Variants in RBFOX1 observed in about 807,000 individuals in gnomAD.
RBFOX1 encodes the protein RNA binding fox-1 homolog 1, also known as RNA binding protein fox-1 homolog 1.
RBFOX1 carries 8 observed loss-of-function variants against 57.7 expected under a neutral mutation model. The ratio of observed to expected loss-of-function variants is 0.14; its 90% CI spans 0.08 to 0.25. RBFOX1 has a LOEUF of 0.25. RBFOX1 is among the 10% of genes least tolerant of loss of function. The pLI is 1.00. For missense variants in RBFOX1, 611 were observed against 548.5 expected (o/e 1.11, Z -1.14); for synonymous variants, 326 against 222.4 (o/e 1.47, Z -4.15).
chr16:6,929,795 A>G (rs189873970), intron 3 of RBFOX1, among the ~76,000 whole-genome samples: 45 of 152,242 alleles, frequency 3.0e-4, no homozygotes, highest in Admixed American at 7.8e-4. Context: ...TTTTTATTGT[A>G]TTCAAAGAAG....
intron 1 of RBFOX1, among the ~76,000 whole-genome samples, chr16:5,273,361 C>T (rs1311507132): frequency 6.6e-6 from 1 of 151,950 alleles, no homozygotes; most frequent in African/African-American, 2.4e-5. Flanking sequence ...CTGCTATGTG[C>T]CAGGCATTGG....
chr16:6,901,427 G>C (rs1315885168), intron 3 of RBFOX1, among the ~76,000 whole-genome samples: 1 of 152,098 alleles, frequency 6.6e-6, no homozygotes, highest in Non-Finnish European at 1.5e-5. Context: ...CAATAACACA[G>C]AGTCCAAGAG....
intron 4 of RBFOX1, among the ~76,000 whole-genome samples, chr16:7,229,774 GAGA>G (rs2093379354): frequency 1.4e-5 from 1 of 72,600 alleles, no homozygotes; most frequent in South Asian, 7.3e-4. Flanking sequence ...GGAAGGGAGA[GAGA>G]GGAAGGAAGG....
At chr16:5,405,819 C>T (rs774216664) in intron 1 of RBFOX1, among the ~76,000 whole-genome samples, 2 of 151,978 alleles carry the variant, frequency 1.3e-5, no homozygotes, top group African/African-American at 2.4e-5. Context: ...CTTGGGCTCC[C>T]GGGAAAAGTT....
At chr16:7,238,160 C>A (rs1202474080) in intron 4 of RBFOX1, among the ~76,000 whole-genome samples, 1 of 152,070 alleles carries the variant, frequency 6.6e-6, no homozygotes, top group Non-Finnish European at 1.5e-5. Flanking sequence ...CAAAAAGTGG[C>A]ATGGTCGTTA....
intron 3 of RBFOX1, among the ~76,000 whole-genome samples, chr16:6,955,758 C>T (rs1450497514): frequency 4.6e-5 from 7 of 151,552 alleles, no homozygotes; most frequent in African/African-American, 1.7e-4. Flanking sequence ...AGCTGGAGTG[C>T]AGTGCCGCTA....
At chr16:7,432,421 C>T (rs886934737) in intron 4 of RBFOX1, among the ~76,000 whole-genome samples, 3 of 152,262 alleles carry the variant, frequency 2.0e-5, no homozygotes, top group South Asian at 2.1e-4. Flanking sequence ...TCTCCTAATG[C>T]AATCGTTGTG....
intron 6 of RBFOX1, among the ~76,000 whole-genome samples, chr16:7,586,636 T>C (rs2094141325): frequency 6.6e-6 from 1 of 152,226 alleles, no homozygotes; most frequent in Admixed American, 6.5e-5. Context: ...AGCCTATTCA[T>C]GCTAGTTGTC....
chr16:6,636,460 G>A (rs1309036750), intron 2 of RBFOX1, among the ~76,000 whole-genome samples: 2 of 152,064 alleles, frequency 1.3e-5, no homozygotes, highest in South Asian at 4.1e-4. Context: ...GTGAGCCACC[G>A]CACCCGGCTG....
intron 4 of RBFOX1, among the ~76,000 whole-genome samples, chr16:7,259,992 A>G (rs534369633): frequency 3.0e-4 from 46 of 152,246 alleles, no homozygotes; most frequent in African/African-American, 9.4e-4. Context: ...GTTGATCCCA[A>G]TGCTTTTGTG....
intron 3 of RBFOX1, among the ~76,000 whole-genome samples, chr16:6,794,157 T>C (rs577941131): frequency 1.3e-5 from 2 of 152,262 alleles, no homozygotes; most frequent in East Asian, 1.9e-4. Flanking sequence ...AAGTGTTCCC[T>C]AAGTTCTTCC....
intron 1 of RBFOX1, among the ~76,000 whole-genome samples, chr16:6,177,191 T>G (rs976174490): frequency 1.3e-5 from 2 of 151,968 alleles, no homozygotes; most frequent in Admixed American, 6.6e-5. Flanking sequence ...TGTTTGTTTT[T>G]TTTTTTTTTT....
intron 2 of RBFOX1, among the ~76,000 whole-genome samples, chr16:5,476,943 CT>C (rs1368395919): frequency 1.3e-5 from 2 of 152,168 alleles, no homozygotes; most frequent in African/African-American, 4.8e-5. Context: ...ACATACTAAA[CT>C]TTTTGTAACT....
At chr16:7,142,106 A>C (rs764516713) in intron 4 of RBFOX1, among the ~76,000 whole-genome samples, 3 of 151,906 alleles carry the variant, frequency 2.0e-5, no homozygotes, top group Non-Finnish European at 4.4e-5. Flanking sequence ...TCAGTGCAGC[A>C]TCAACCTCCC....
intron 4 of RBFOX1, among the ~76,000 whole-genome samples, chr16:7,377,685 T>C (rs2097709393): frequency 6.6e-6 from 1 of 152,232 alleles, no homozygotes; most frequent in African/African-American, 2.4e-5. Flanking sequence ...ATTCCACATA[T>C]ATTTGTAGAG....
At chr16:6,080,741 C>A (rs1421526200) in intron 1 of RBFOX1, among the ~76,000 whole-genome samples, 2 of 152,088 alleles carry the variant, frequency 1.3e-5, no homozygotes, top group Non-Finnish European at 2.9e-5. Context: ...TAAAAGAATG[C>A]CACATTTTTA....
chr16:6,401,379 C>A lies in RBFOX1; in HGVS notation c.-64+84322C>A, dbSNP rs562838174. ...GAAAAATTCTTCCTCACAATATAAA[C>A]ACTACTACTAACTTATAAGCATAAC... is the stretch of plus-strand genomic sequence containing the variant. On this transcript the variant is annotated intron_variant, in intron 2 of 15. Coordinates refer to ENST00000550418, the MANE Select transcript of RBFOX1 (RefSeq NM_018723.4). 3.9e-5 allele frequency among the ~76,000 whole-genome samples: 6 copies of A among 152,284 alleles called. No individual in the cohort carries two copies. The East Asian group carries it at 1.2e-3, about 29-fold the overall frequency.
At chr16:7,703,314 T>C (rs924438566) in intron 14 of RBFOX1, among the ~76,000 whole-genome samples, 2 of 152,200 alleles carry the variant, frequency 1.3e-5, no homozygotes, top group Non-Finnish European at 2.9e-5. Context: ...CCCTTCTCTG[T>C]GTTGGGAGGG....
chr16:6,119,066 C>T (rs1182666499), intron 1 of RBFOX1, among the ~76,000 whole-genome samples: 2 of 150,212 alleles, frequency 1.3e-5, no homozygotes, highest in Admixed American at 6.6e-5. Context: ...TCTTGCTTGC[C>T]ATGGGATCTT....
Sources: allele counts gnomAD v4.1 joint callset (sites outside exome capture counted in the v4.1 genomes callset), GRCh38; gene constraint gnomAD v4.1.1; transcripts MANE v1.5; gene names NCBI Gene and HGNC (gene_info 2026-07-23, HGNC 2026-07-21).